The following COL4A5 variants were observed in gnomAD, a reference collection of about 807,000 sequenced individuals.
COL4A5 encodes collagen type IV alpha 5 chain, also known as collagen alpha-5(IV) chain.
Under a neutral mutation model 130.2 loss-of-function variants are expected in COL4A5, and 26 were observed. The ratio of observed to expected loss-of-function variants is 0.20; its 90% CI spans 0.15 to 0.28. The LOEUF (loss-of-function observed/expected upper bound fraction) is 0.28. Ranked by LOEUF, COL4A5 falls within the 10% of genes least tolerant of loss-of-function variation. The pLI is 1.00. For synonymous variants in COL4A5, 496 were observed against 439.6 expected, an observed-to-expected ratio of 1.13 and a Z score of -1.60; for missense variants, 1,131 against 1,344.3, an observed-to-expected ratio of 0.84 and a Z score of 2.48.
intron 29 of COL4A5, among the ~76,000 whole-genome samples, chrX:108,609,614 A>G (rs1386861618): frequency 9.0e-6 from 1 of 111,540 alleles, no homozygotes; most frequent in Non-Finnish European, 1.9e-5. Context: ...TTTTTCTTAT[A>G]TGATTATAAT....
intron 1 of COL4A5, among the ~76,000 whole-genome samples, chrX:108,533,306 C>G (rs1220270789): frequency 1.8e-5 from 2 of 111,508 alleles, no homozygotes; most frequent in East Asian, 5.6e-4. Context: ...TTAAATGGTG[C>G]TGGAAAAATT....
At chrX:108,645,729 C>A (rs1266797393) in intron 36 of COL4A5, among the ~76,000 whole-genome samples, 1 of 98,879 alleles carries the variant, frequency 1.0e-5, no homozygotes, top group African/African-American at 3.8e-5. Context: ...CTCCTTCCCC[C>A]CTCCCCCGAC....
intron 29 of COL4A5, among the ~76,000 whole-genome samples, chrX:108,610,009 C>A (rs745649544): frequency 1.6e-4 from 17 of 108,771 alleles, no homozygotes; most frequent in Non-Finnish European, 3.2e-4. Flanking sequence ...ATATTAGGTC[C>A]TTTGCCTTTA....
intron 2 of COL4A5, 137 bp from the exon 3 acceptor site, chrX:108,558,927 T>C (rs1223600393): frequency 1.8e-6 from 1 of 543,903 alleles, no homozygotes; most frequent in Non-Finnish European, 3.2e-6. Context: ...TTTTCCCATG[T>C]TAGTAGATAC....
chrX:108,474,097 A>G (rs1451756746), intron 1 of COL4A5, among the ~76,000 whole-genome samples: 1 of 111,340 alleles, frequency 9.0e-6, no homozygotes, highest in Non-Finnish European at 1.9e-5. Context: ...AATTTAATGT[A>G]GCCTAAGTGT....
At chrX:108,510,221 G>A (rs2065167849) in intron 1 of COL4A5, among the ~76,000 whole-genome samples, 1 of 110,872 alleles carries the variant, frequency 9.0e-6, no homozygotes, top group Admixed American at 9.6e-5. Context: ...TTACTACCTG[G>A]GTGATGAAAT....
chrX:108,651,988 G>A (rs777226570), intron 36 of COL4A5, among the ~76,000 whole-genome samples: 14 of 111,783 alleles, frequency 1.3e-4, no homozygotes, highest in Non-Finnish European at 2.3e-4. Flanking sequence ...TGCAAGATGA[G>A]TAAGTTTTAC....
At position 108,681,799 on chromosome X, in the gene COL4A5, T is replaced by C; in HGVS notation, c.4127T>C (p.Ile1376Thr). 1 of 1,209,245 alleles carries C rather than the reference T, an allele frequency of 8.3e-7. No individual in the cohort carries two copies. Residue 1376 changes from isoleucine (I) to threonine (T), a missense_variant, in exon 47 of 53, where the codon ATA becomes ACA. Transcript: ENST00000328300. Reference protein sequence around the residue: ...GLPGPSGQSIIIKGDAGPPGI... With the variant: ...GLPGPSGQSITIKGDAGPPGI... ...CCTGGTCCTTCAGGACAGAGTATCA[T>C]AATTAAAGGAGATGCTGGTCCTCCA...
intron 36 of COL4A5, among the ~76,000 whole-genome samples, chrX:108,632,192 A>G (rs2067273644): frequency 8.9e-6 from 1 of 111,849 alleles, no homozygotes; most frequent in Non-Finnish European, 1.9e-5. Flanking sequence ...AGAGAATACT[A>G]TAAACACCTC....
chrX:108,550,978 T>C (rs2065744451), intron 2 of COL4A5, among the ~76,000 whole-genome samples: 1 of 111,477 alleles, frequency 9.0e-6, no homozygotes, highest in African/African-American at 3.3e-5. Flanking sequence ...CCTTTCACCA[T>C]ATACAAAAAT....
intron 36 of COL4A5, among the ~76,000 whole-genome samples, chrX:108,646,090 T>C (rs984430590): frequency 2.7e-5 from 3 of 109,320 alleles, no homozygotes; most frequent in African/African-American, 1.0e-4. Flanking sequence ...CTTTGGTATA[T>C]ACCCAGTAAT....
intron 2 of COL4A5, among the ~76,000 whole-genome samples, chrX:108,553,061 T>C (rs2147705965): frequency 9.0e-6 from 1 of 111,562 alleles, no homozygotes; most frequent in South Asian, 3.7e-4. Flanking sequence ...CAAAAATGGC[T>C]CACACTTTAT....
At chrX:108,650,726 A>G (rs2067708451) in intron 36 of COL4A5, among the ~76,000 whole-genome samples, 1 of 110,701 alleles carries the variant, frequency 9.0e-6, no homozygotes, top group African/African-American at 3.3e-5. Flanking sequence ...GAGCTAAGCT[A>G]TGAGGACGCA....
intron 50 of COL4A5, chrX:108,693,842 T>G (rs1405060304): frequency 4.5e-5 from 5 of 111,716 alleles, no homozygotes; most frequent in African/African-American, 9.8e-5. Context: ...AAACCTAGTT[T>G]AACTCAATCT....
intron 2 of COL4A5, among the ~76,000 whole-genome samples, chrX:108,544,743 CT>C (rs1391810342): frequency 2.7e-5 from 3 of 110,681 alleles, no homozygotes; most frequent in African/African-American, 9.9e-5. Context: ...TGGTCCTGGA[CT>C]TTTTTTGGTT....
chrX:108,678,669 G>A (rs914555870), intron 44 of COL4A5, among the ~76,000 whole-genome samples: 97 of 111,221 alleles, frequency 8.7e-4, no homozygotes, highest in African/African-American at 2.9e-3. Context: ...AATTTGAGAC[G>A]AGCCTGGACA....
intron 36 of COL4A5, among the ~76,000 whole-genome samples, chrX:108,628,621 G>A (rs2067195927): frequency 9.0e-6 from 1 of 111,633 alleles, no homozygotes; most frequent in Non-Finnish European, 1.9e-5. Flanking sequence ...ATACTGATTT[G>A]TAAAAGTACA....
At chrX:108,480,294 C>T (rs1451956316) in intron 1 of COL4A5, among the ~76,000 whole-genome samples, 1 of 112,278 alleles carries the variant, frequency 8.9e-6, no homozygotes, top group Non-Finnish European at 1.9e-5. Context: ...CTTGACAGGT[C>T]CCACACTACT....
At chrX:108,585,366 C>A (rs974125724) in intron 18 of COL4A5, among the ~76,000 whole-genome samples, 2 of 111,891 alleles carry the variant, frequency 1.8e-5, no homozygotes, top group African/African-American at 6.5e-5. Flanking sequence ...TAAAGAAGAT[C>A]TTAGATATTT....
Sources: allele counts gnomAD v4.1 joint callset (sites outside exome capture counted in the v4.1 genomes callset), GRCh38; gene constraint gnomAD v4.1.1; transcripts MANE v1.5; gene names NCBI Gene and HGNC (gene_info 2026-07-23, HGNC 2026-07-21).